The following PTK7 variants were observed in gnomAD, a reference collection of about 807,000 sequenced individuals.
PTK7 encodes inactive tyrosine-protein kinase 7.
A neutral mutation model predicts 116.6 loss-of-function variants in PTK7; 39 were observed. That is an observed-to-expected ratio of 0.33 (90% confidence interval 0.26 to 0.44). The LOEUF (loss-of-function observed/expected upper bound fraction) is 0.44. Ranked by LOEUF, PTK7 falls within the 20% of genes least tolerant of loss-of-function variation. The pLI, the probability that PTK7 is intolerant of heterozygous loss-of-function variation, is 1.00. For synonymous variants in PTK7, 546 were observed against 563.6 expected, an observed-to-expected ratio of 0.97 and a Z score of 0.44; for missense variants, 1,169 against 1,425.6, an observed-to-expected ratio of 0.82 and a Z score of 2.90.
At chr6:43,149,480 T>C in intron 17 of PTK7, among the ~76,000 whole-genome samples, 1 of 152,362 alleles carries the variant, frequency 6.6e-6, no homozygotes, top group South Asian at 2.1e-4. Context: ...TCCAGCTGAT[T>C]CCTAAGCTCA....
chr6:43,140,586 G>A (rs1770340309), intron 10 of PTK7, among the ~76,000 whole-genome samples: 1 of 151,566 alleles, frequency 6.6e-6, no homozygotes, highest in Non-Finnish European at 1.5e-5. Flanking sequence ...TATAGTTTCA[G>A]TTATTAAATT....
chr6:43,145,497 G>A lies in PTK7; in HGVS notation c.2640+65G>A. On this transcript the variant is annotated intron_variant, in intron 16 of 19. Transcript: ENST00000230419. This position sits in a 1 kb window ranked among gnomAD's most constrained non-coding sequence, Gnocchi z 4.8. ...AGGGCAGTGTCCTACAAAGGTGGGAGTCAGTGGTTGGAGCACCGTGAAAAC... is the reference window on the plus strand; with the variant it reads ...AGGGCAGTGTCCTACAAAGGTGGGAATCAGTGGTTGGAGCACCGTGAAAAC... 3 of 1,342,056 alleles carry A rather than the reference G, an allele frequency of 2.2e-6. No homozygotes were observed. The highest frequency in any genetic ancestry group is 1.0e-6 in the Non-Finnish European group (1 of 991,214). 83.1% of individuals were successfully genotyped at this position (1,342,056 alleles called of 1,614,324 possible).
intron 1 of PTK7, among the ~76,000 whole-genome samples, chr6:43,117,482 G>A (rs999312214): frequency 6.6e-6 from 1 of 152,200 alleles, no homozygotes; most frequent in Non-Finnish European, 1.5e-5. Flanking sequence ...AGCCAGTGTG[G>A]CATCACAGAA....
Position 43,106,539 on chromosome 6 carries a change from G to A in PTK7, c.80-22438G>A, listed in dbSNP as rs1346471005. ...TGGCCTCAAGTGATCTCTCCACCTC[G>A]ACCTCCCAGAATGCTCAAAGTGCTG... is the stretch of plus-strand genomic sequence containing the variant. On this transcript the variant is annotated intron_variant, in intron 1 of 19. Coordinates refer to ENST00000230419, the MANE Select transcript of PTK7 (RefSeq NM_002821.5). Among the ~76,000 whole-genome samples, 11 of 151,316 alleles carry A rather than the reference G, an allele frequency of 7.3e-5. No individual in the cohort carries two copies. In the East Asian group the frequency reaches 1.6e-3, roughly 22 times the overall value.
At chr6:43,127,460 T>A (rs1769361861) in intron 1 of PTK7, among the ~76,000 whole-genome samples, 1 of 152,198 alleles carries the variant, frequency 6.6e-6, no homozygotes, top group African/African-American at 2.4e-5. Flanking sequence ...TTCTTCCTCT[T>A]TCCTTTGTTC....
intron 1 of PTK7, among the ~76,000 whole-genome samples, chr6:43,124,536 C>T (rs1040095998): frequency 6.6e-6 from 1 of 151,680 alleles, no homozygotes; most frequent in Non-Finnish European, 1.5e-5. Context: ...ACTAGCTGGG[C>T]ATGGTGGCAC....
chr6:43,096,179 G>C (rs1767241529), intron 1 of PTK7, among the ~76,000 whole-genome samples: 2 of 152,196 alleles, frequency 1.3e-5, no homozygotes, highest in Non-Finnish European at 2.9e-5. Flanking sequence ...TGCTATCTCA[G>C]CCTCGGGGAG....
At chr6:43,103,302 G>A (rs1767684638) in intron 1 of PTK7, among the ~76,000 whole-genome samples, 1 of 152,106 alleles carries the variant, frequency 6.6e-6, no homozygotes, top group Admixed American at 6.6e-5. Context: ...GACAGACCAG[G>A]GATTGGATGA....
chr6:43,105,917 G>C (rs2150396234), intron 1 of PTK7, among the ~76,000 whole-genome samples: 1 of 152,268 alleles, frequency 6.6e-6, no homozygotes, highest in Admixed American at 6.5e-5. Flanking sequence ...ACCCAGTTGT[G>C]GTAATTTGTT....
intron 1 of PTK7, among the ~76,000 whole-genome samples, chr6:43,079,853 G>A (rs879407288): frequency 2.0e-5 from 3 of 149,048 alleles, no homozygotes; most frequent in Non-Finnish European, 4.4e-5. Flanking sequence ...GAGCCCAGGG[G>A]CTCAAGACCA....
At position 43,130,216 on chromosome 6, in the gene PTK7, T is replaced by C. The variant is rs765518448; in HGVS notation, c.471-14T>C. On this transcript the variant is annotated splice_polypyrimidine_tract_variant and intron_variant, in intron 3 of 19. Transcript: ENST00000230419. ...TACCCCTCCCCACCACTGCTGACTGTGTCTGCCCTGCAGGCCCACCTACCA... is the reference window on the plus strand; with the variant it reads ...TACCCCTCCCCACCACTGCTGACTGCGTCTGCCCTGCAGGCCCACCTACCA... The C allele has an allele frequency of 1.9e-6, 3 of 1,558,744 alleles. No homozygotes were observed. The highest frequency in any genetic ancestry group is 2.3e-5 in the East Asian group (1 of 44,250).
chr6:43,132,111 G>C lies in PTK7; in HGVS notation c.908G>C (p.Gly303Ala), dbSNP rs946967711. 1 of 1,613,870 alleles carries C rather than the reference G, an allele frequency of 6.2e-7. No homozygotes were observed. Among genetic ancestry groups the C allele is most frequent in the African/African-American group, 1.3e-5 (1 of 74,948 alleles). The change falls in exon 6 of 20, where the codon GGC becomes GCC. Residue 303 changes from glycine to alanine, a missense_variant. Gly to Ala is a moderately conservative substitution (Grantham distance 60, BLOSUM62 0). Coordinates refer to ENST00000230419, the MANE Select transcript of PTK7 (RefSeq NM_002821.5). ...AATGCAGGGATCTACCGCTGCATTG[G>C]CCAGGGGCAGAGGGGCCCACCCATC... Reference protein sequence around the residue: ...PRNAGIYRCIGQGQRGPPIIL... With the variant: ...PRNAGIYRCIAQGQRGPPIIL...
At chr6:43,094,802 T>C (rs1197736154) in intron 1 of PTK7, among the ~76,000 whole-genome samples, 1 of 151,850 alleles carries the variant, frequency 6.6e-6, no homozygotes, top group Non-Finnish European at 1.5e-5. Context: ...TAAAATAGAT[T>C]GCTGGCCAGG....
intron 1 of PTK7, among the ~76,000 whole-genome samples, chr6:43,120,235 G>A (rs1035456547): frequency 6.6e-6 from 1 of 152,122 alleles, no homozygotes; most frequent in Non-Finnish European, 1.5e-5. Context: ...TCCCCCACGC[G>A]TGCTCTCAGG....
chr6:43,160,021 C>G (rs762279863), intron 19 of PTK7, 55 bp downstream of exon 19: 1 of 1,548,888 alleles, frequency 6.5e-7, no homozygotes, highest in South Asian at 1.2e-5. Context: ...ATGGGGCCTA[C>G]TCAGGGCCCC....
chr6:43,160,140 G>A (rs1407048819), intron 19 of PTK7, among the ~76,000 whole-genome samples, 174 bp downstream of exon 19: 1 of 152,172 alleles, frequency 6.6e-6, no homozygotes, highest in Non-Finnish European at 1.5e-5. Flanking sequence ...TTTTGAGACG[G>A]AGTGTCGCCC....
In PTK7 at chr6:43,076,993, G is replaced by C; in HGVS notation, c.79+426G>C. 2 of 1,471,210 alleles carry C rather than the reference G, an allele frequency of 1.4e-6. No individual in the cohort carries two copies. 91.1% of individuals were successfully genotyped at this position (1,471,210 alleles called of 1,614,324 possible). ...CCCGGCAGGGTCGGCCCAGGTAAGA[G>C]TTGCTGGTTTGGGGCCCGATGCCGG... is the stretch of plus-strand genomic sequence containing the variant. On this transcript the variant is annotated intron_variant, in intron 1 of 19. Coordinates refer to ENST00000230419, the MANE Select transcript of PTK7 (RefSeq NM_002821.5). The surrounding 1 kb of genome is among the most constrained non-coding windows in gnomAD (Gnocchi z 5.7).
chr6:43,078,432 T>C (rs1171262287), intron 1 of PTK7, among the ~76,000 whole-genome samples: 1 of 152,136 alleles, frequency 6.6e-6, no homozygotes, highest in East Asian at 1.9e-4. Flanking sequence ...GTGGAACCTG[T>C]CCATGTGCTG....
At chr6:43,106,594 C>T (rs988130744) in intron 1 of PTK7, among the ~76,000 whole-genome samples, 7 of 151,806 alleles carry the variant, frequency 4.6e-5, no homozygotes, top group Non-Finnish European at 8.8e-5. Context: ...CCACCACACC[C>T]GCCCCTTTCC....
Sources: gnomAD v4.1 joint callset for allele counts (sites outside exome capture counted in the v4.1 genomes callset) on GRCh38, gnomAD v4.1.1 for gene constraint, Gnocchi (gnomAD v3.1) non-coding constraint, MANE v1.5 for transcripts, NCBI Gene and HGNC (gene_info 2026-07-23, HGNC 2026-07-21) for gene names.